The following CELSR1 variants were observed in gnomAD, a reference collection of about 807,000 sequenced individuals.
CELSR1 encodes the protein adhesion G protein-coupled receptor C1.
In CELSR1, 110 loss-of-function variants were observed where a neutral mutation model predicts 249.1. The observed-to-expected ratio is 0.44, with a 90% CI of 0.38 to 0.52. The LOEUF (loss-of-function observed/expected upper bound fraction) is 0.52, where lower values mean the gene tolerates loss of function less well. CELSR1 is among the 20% of genes least tolerant of loss of function. CELSR1 has a pLI of 0.00. For missense variants in CELSR1, 4,109 were observed against 4,296.4 expected (o/e 0.96, Z 1.22); for synonymous variants, 2,113 against 1,900.0 (o/e 1.11, Z -2.92).
chr22:46,460,194 CACACA>C (rs1569179773), intron 2 of CELSR1, among the ~76,000 whole-genome samples: 1 of 105,696 alleles, frequency 9.5e-6, no homozygotes, highest in East Asian at 3.4e-4. Context: ...CACACACACA[CACACA>C]CACACACACA....
rs372818641 is a variant in CELSR1, at chr22:46,397,756, G to A, written c.5619C>T (p.Asp1873=). The change falls in exon 12 of 35, where the codon GAC becomes GAT. Residue 1873 remains aspartate (D), a synonymous_variant. Transcript: ENST00000674500. The part of the protein sequence containing the change: ...KVRVKDGCDV[D]DPCTSSPCPP... ...GACAGGGGCTCGAGGTACAGGGGTC[G>A]TCCACATCACAGCCGTCCTTCACCC... 27 of 1,600,422 alleles carry A rather than the reference G, an allele frequency of 1.7e-5. No individual in the cohort carries two copies. Among genetic ancestry groups the A allele is most frequent in the African/African-American group, 1.6e-4 (12 of 74,444 alleles).
At chr22:46,456,751 G>A (rs1006869272) in intron 2 of CELSR1, among the ~76,000 whole-genome samples, 3 of 151,840 alleles carry the variant, frequency 2.0e-5, no homozygotes, top group African/African-American at 7.3e-5. Context: ...ATCGCAGAAG[G>A]GCTAGAATTT....
rs116885716 is a variant in CELSR1, at chr22:46,420,110, T to C, written c.4612-8351A>G. Among the ~76,000 whole-genome samples, 556 of 143,710 alleles carry C rather than the reference T, an allele frequency of 3.9e-3. 13 individuals are homozygous for C. Among genetic ancestry groups the C allele is most frequent in the Admixed American group, 0.027 (396 of 14,618 alleles). The allele number at this position is 143,710 out of a possible 152,430, so 94.3% of individuals were successfully genotyped here. On this transcript the variant is annotated intron_variant, in intron 5 of 34. Transcript: ENST00000674500. ...CACACCTACCCACACTCGTGCATAC[T>C]CATCCACATTCACACTCACATATAC... is the stretch of plus-strand genomic sequence containing the variant.
At chr22:46,383,379 G>A (rs1232527030) in intron 20 of CELSR1, among the ~76,000 whole-genome samples, 3 of 152,202 alleles carry the variant, frequency 2.0e-5, no homozygotes, top group Non-Finnish European at 4.4e-5. Context: ...AGCACCTTAA[G>A]AAAATTCAAA....
Position 46,409,057 on chromosome 22 carries a change from C to T in CELSR1, c.5165G>A (p.Arg1722Gln), listed in dbSNP as rs780422693. 1.8e-5 allele frequency: 29 copies of T among 1,613,264 alleles called. No individual in the cohort carries two copies. The highest frequency in any genetic ancestry group is 1.7e-4 in the Middle Eastern group (1 of 6,060). ...PWYLGLMFRTRKEDSVLMEAT... is the reference protein window; with the variant it reads ...PWYLGLMFRTQKEDSVLMEAT... ...CTCCATCAGAACGCTGTCCTCCTTC[C>T]GGGTCCGGAACATGAGCCCCAGGTA... Residue 1722 changes from arginine (R) to glutamine (Q), a missense_variant, in exon 9 of 35, where the codon CGG becomes CAG. This residue lies in a region of CELSR1 where 16 missense variants were observed against 40.1 expected (regional missense o/e 0.40). Coordinates refer to ENST00000674500, the MANE Select transcript of CELSR1 (RefSeq NM_001378328.1). This position sits in a 1 kb window ranked among gnomAD's most constrained non-coding sequence, Gnocchi z 9.8.
chr22:46,480,843 T>C (rs760782213), intron 1 of CELSR1, among the ~76,000 whole-genome samples: 2 of 152,220 alleles, frequency 1.3e-5, no homozygotes, highest in African/African-American at 2.4e-5. Context: ...TTTCATTTTT[T>C]AGGACTAAAA....
intron 26 of CELSR1, 71 bp downstream of exon 26, chr22:46,369,621 C>A: frequency 4.8e-6 from 7 of 1,449,576 alleles, no homozygotes; most frequent in Non-Finnish European, 5.8e-6. Context: ...TGGCCCCAGC[C>A]AACCCAGAAC....
At chr22:46,528,868 G>T (rs1045482557) in intron 1 of CELSR1, among the ~76,000 whole-genome samples, 3 of 151,596 alleles carry the variant, frequency 2.0e-5, no homozygotes, top group Non-Finnish European at 4.4e-5. Context: ...GGCGGAGCTT[G>T]CAGTGAGCTG....
intron 1 of CELSR1, among the ~76,000 whole-genome samples, chr22:46,525,048 G>A (rs1366216009): frequency 1.3e-5 from 2 of 152,172 alleles, no homozygotes; most frequent in Non-Finnish European, 2.9e-5. Context: ...GCCTCCAAGA[G>A]GAGCGGCCAC....
chr22:46,535,032 G>T lies in CELSR1; in HGVS notation c.2139C>A (p.Asp713Glu), dbSNP rs1256490075. The T allele has an allele frequency of 6.2e-7, 1 of 1,612,370 alleles. No homozygotes were observed. The highest frequency in any genetic ancestry group is 8.5e-7 in the Non-Finnish European group (1 of 1,179,944). ...AGGTAATCACACTGTTGGCGTCACGGTCGCGGGCCTGCAGGGTCAGCACGC... is the reference window on the plus strand; with the variant it reads ...AGGTAATCACACTGTTGGCGTCACGTTCGCGGGCCTGCAGGGTCAGCACGC... ...GSSVLTLQAR[D>E]RDANSVITYQ... The change falls in exon 1 of 35, where the codon GAC becomes GAA. Residue 713 changes from aspartate to glutamate, a missense_variant. Coordinates refer to ENST00000674500, the MANE Select transcript of CELSR1 (RefSeq NM_001378328.1).
intron 1 of CELSR1, among the ~76,000 whole-genome samples, chr22:46,465,220 C>A (rs9627466): frequency 4.9e-4 from 74 of 152,178 alleles, no homozygotes; most frequent in African/African-American, 1.5e-3. Context: ...CAGGCCCGGG[C>A]TCAGATGTGG....
intron 2 of CELSR1, among the ~76,000 whole-genome samples, chr22:46,449,941 C>T (rs1049101434): frequency 1.4e-4 from 22 of 152,264 alleles, no homozygotes; most frequent in South Asian, 6.2e-4. Flanking sequence ...CTCACACACA[C>T]TCACATGCAC....
intron 20 of CELSR1, among the ~76,000 whole-genome samples, chr22:46,384,107 G>A (rs1043378109): frequency 6.6e-6 from 1 of 151,844 alleles, no homozygotes; most frequent in Admixed American, 6.6e-5. Context: ...GCTATTTTTT[G>A]TATTTTTTAG....
rs1602124896 is a variant in CELSR1, at chr22:46,430,360, G to A, written c.4611+3033C>T. On this transcript the variant is annotated intron_variant, in intron 5 of 34. Transcript: ENST00000674500. The surrounding 1 kb of genome is among the most constrained non-coding windows in gnomAD (Gnocchi z 4.6). ...GTGTGGCAGGTAAATGGAGCGTGCT[G>A]GGGCAAGGACACAGCTGGGCGGGGC... Among the ~76,000 whole-genome samples, 1 of 152,168 alleles carries A rather than the reference G, an allele frequency of 6.6e-6. No homozygotes were observed. The highest frequency in any genetic ancestry group is 2.4e-5 in the African/African-American group (1 of 41,440).
rs777761864 is a variant in CELSR1 at position 46,364,577 on chromosome 22, G to A, written c.8714C>T (p.Pro2905Leu). 2 of 1,612,586 alleles carry A rather than the reference G, an allele frequency of 1.2e-6. No homozygotes were observed. The highest frequency in any genetic ancestry group is 1.7e-6 in the Non-Finnish European group (2 of 1,179,904). The change falls in exon 33 of 35, where the codon CCC (proline) becomes CTC (leucine). Residue 2905 changes from proline (P) to leucine (L), a missense_variant. Pro to Leu is a moderately conservative substitution (Grantham distance 98). Around this residue, in one of 7 missense-constraint regions of CELSR1, gnomAD observed 1,805 missense variants for 1,831.6 expected, o/e 0.99. Coordinates refer to ENST00000674500, the MANE Select transcript of CELSR1 (RefSeq NM_001378328.1). ...TGCGCCCCCGCTCTCCTGGTCCGGGGGGTACTCTCCACGGTGACTGCCCTG... is the reference window on the plus strand; with the variant it reads ...TGCGCCCCCGCTCTCCTGGTCCGGGAGGTACTCTCCACGGTGACTGCCCTG... ...EEQGSHRGEY[P>L]PDQESGGAAR...
chr22:46,378,754 G>T (rs1194318505), intron 22 of CELSR1, 37 bp from the exon 23 acceptor site: 1 of 1,596,768 alleles, frequency 6.3e-7, no homozygotes, highest in Non-Finnish European at 8.6e-7. Context: ...GGGTAAGACG[G>T]TTCCCTCTGC....
chr22:46,461,067 T>A (rs2080020843), intron 2 of CELSR1, among the ~76,000 whole-genome samples: 3 of 151,934 alleles, frequency 2.0e-5, no homozygotes, highest in African/African-American at 7.3e-5. Flanking sequence ...GAGCAAGTAA[T>A]AAAACCCCTC....
Position 46,526,114 on chromosome 22 carries a change from T to C in CELSR1, c.3544+7513A>G, listed in dbSNP as rs1030594127. On this transcript the variant is annotated intron_variant, in intron 1 of 34. Coordinates refer to ENST00000674500, the MANE Select transcript of CELSR1 (RefSeq NM_001378328.1). This position sits in a 1 kb window ranked among gnomAD's most constrained non-coding sequence, Gnocchi z 4.7. ...TGGGCGCCCTGCCCTGGTGAGTCCATGTCCCGTGGACCTGTGGCCCCTTCC... is the reference window on the plus strand; with the variant it reads ...TGGGCGCCCTGCCCTGGTGAGTCCACGTCCCGTGGACCTGTGGCCCCTTCC... Among the ~76,000 whole-genome samples, 8 of 152,218 alleles carry C rather than the reference T, an allele frequency of 5.3e-5. No homozygotes were observed. The highest frequency in any genetic ancestry group is 2.6e-4 in the Admixed American group (4 of 15,280).
At chr22:46,528,725 G>A (rs1280594504) in intron 1 of CELSR1, among the ~76,000 whole-genome samples, 4 of 151,786 alleles carry the variant, frequency 2.6e-5, no homozygotes, top group Admixed American at 2.6e-4. Flanking sequence ...TCAGGAGATC[G>A]AGGCCATCCT....
Sources: allele counts gnomAD v4.1 joint callset (sites outside exome capture counted in the v4.1 genomes callset), GRCh38; gene constraint gnomAD v4.1.1; regional missense constraint gnomAD v4.1.1; non-coding constraint Gnocchi (gnomAD v3.1); transcripts MANE v1.5; gene names NCBI Gene and HGNC (gene_info 2026-07-23, HGNC 2026-07-21).